Variants in RASGEF1A observed in about 807,000 individuals in gnomAD.
RASGEF1A encodes RasGEF domain family member 1A.
Under a neutral mutation model 56.4 loss-of-function variants are expected in RASGEF1A, and 18 were observed. That is an observed-to-expected ratio of 0.32 (90% confidence interval 0.22 to 0.47). The LOEUF is 0.47. Among genes scored for constraint, RASGEF1A ranks in the 20% least tolerant of loss-of-function variants. The pLI is 1.00. For synonymous variants in RASGEF1A, 245 were observed against 242.6 expected (o/e 1.01, Z -0.09); for missense variants, 422 against 627.1 (o/e 0.67, Z 3.49).
chr10:43,230,318 G>A (rs917231212), intron 1 of RASGEF1A, among the ~76,000 whole-genome samples: 2 of 152,170 alleles, frequency 1.3e-5, no homozygotes, highest in African/African-American at 2.4e-5. Flanking sequence ...CTGCTTTTGT[G>A]GGAGGGCTGA....
At chr10:43,256,545 C>A (rs942057963) in intron 1 of RASGEF1A, among the ~76,000 whole-genome samples, 42 of 152,266 alleles carry the variant, frequency 2.8e-4, no homozygotes, top group African/African-American at 9.9e-4. Flanking sequence ...AGAGTGGCCT[C>A]TCCAGGATCC....
chr10:43,237,999 G>A (rs1840453167), intron 1 of RASGEF1A, among the ~76,000 whole-genome samples: 1 of 149,534 alleles, frequency 6.7e-6, no homozygotes, highest in African/African-American at 2.4e-5. Flanking sequence ...AGGGGAGTGG[G>A]CCACACAGGC....
intron 1 of RASGEF1A, among the ~76,000 whole-genome samples, chr10:43,250,120 T>A (rs1242677528): frequency 6.6e-6 from 1 of 152,226 alleles, no homozygotes; most frequent in Admixed American, 6.5e-5. Flanking sequence ...GTGAATGCCA[T>A]GCACCTGAAG....
chr10:43,242,142 A>G (rs1840509328), intron 1 of RASGEF1A, among the ~76,000 whole-genome samples: 1 of 152,220 alleles, frequency 6.6e-6, no homozygotes, highest in African/African-American at 2.4e-5. Flanking sequence ...CATCTCAAAA[A>G]AATAAATAAA....
chr10:43,250,330 G>A (rs1023361396), intron 1 of RASGEF1A, among the ~76,000 whole-genome samples: 2 of 152,226 alleles, frequency 1.3e-5, no homozygotes, highest in African/African-American at 2.4e-5. Context: ...CAGCTATGAC[G>A]GTTTCCCTGT....
chr10:43,230,135 C>T (rs998783293), intron 1 of RASGEF1A, among the ~76,000 whole-genome samples: 2 of 152,214 alleles, frequency 1.3e-5, no homozygotes, highest in Non-Finnish European at 2.9e-5. Flanking sequence ...TACCCGGCCC[C>T]GGCCTCACCT....
intron 1 of RASGEF1A, among the ~76,000 whole-genome samples, chr10:43,246,716 TCAAA>T (rs1840570609): frequency 6.6e-6 from 1 of 152,150 alleles, no homozygotes; most frequent in African/African-American, 2.4e-5. Context: ...GCAGATAGCC[TCAAA>T]CAAAGGAACA....
chr10:43,216,729 G>A (rs747826429), intron 1 of RASGEF1A, among the ~76,000 whole-genome samples: 1 of 152,140 alleles, frequency 6.6e-6, no homozygotes, highest in Non-Finnish European at 1.5e-5. Context: ...TGCCCACTTG[G>A]CTTGAAGACT....
chr10:43,263,526 G>A (rs1479398526), intron 1 of RASGEF1A, among the ~76,000 whole-genome samples: 1 of 152,182 alleles, frequency 6.6e-6, no homozygotes, highest in Admixed American at 6.5e-5. Flanking sequence ...GGGCTGTTCT[G>A]TCTAGAGTCC....
chr10:43,222,849 G>T (rs987245146), intron 1 of RASGEF1A, among the ~76,000 whole-genome samples: 2 of 152,196 alleles, frequency 1.3e-5, no homozygotes, highest in Non-Finnish European at 2.9e-5. Flanking sequence ...AGCCTTGTGG[G>T]ACCAAGCTCT....
chr10:43,246,741 T>C (rs566123899), intron 1 of RASGEF1A, among the ~76,000 whole-genome samples: 1 of 152,334 alleles, frequency 6.6e-6, no homozygotes, highest in South Asian at 2.1e-4. Flanking sequence ...CATTTGGATT[T>C]GTACCTCGTA....
At position 43,212,326 on chromosome 10, in the gene RASGEF1A, T is replaced by A. The variant is rs551033292; in HGVS notation, c.-6-6204A>T. 7.9e-5 allele frequency among the ~76,000 whole-genome samples: 12 copies of A among 152,290 alleles called. No homozygotes were observed. The East Asian group carries it at 2.3e-3, about 29-fold the overall frequency. On this transcript the variant is annotated intron_variant, in intron 1 of 12. Coordinates refer to ENST00000395810, the MANE Select transcript of RASGEF1A (RefSeq NM_145313.4). ...CAGCCAACATTTCCGTGAGCTCTGA[T>A]CTCAGGTTTAAGATGGGCTCTGAGA...
At chr10:43,254,514 C>T (rs1367348876) in intron 1 of RASGEF1A, among the ~76,000 whole-genome samples, 1 of 152,222 alleles carries the variant, frequency 6.6e-6, no homozygotes. Context: ...CTCACGGCTG[C>T]ACCGCTAACC....
rs185918936 is a variant in RASGEF1A, at chr10:43,198,064, G to A, written c.1164C>T (p.Asp388=). The A allele has an allele frequency of 3.2e-5, 52 of 1,614,182 alleles. No individual in the cohort carries two copies. In the East Asian group the frequency reaches 9.1e-4, roughly 28 times the overall value. ...VIPVFNLFVK[D]IYFLHKIHTN... is the part of the protein sequence containing the mutation. Reference sequence around the variant, plus strand: ...TATGGATTTTGTGCAGGAAGTAGATGTCCTTAACGAAGAGGTTGAACACAG... The same window carrying A: ...TATGGATTTTGTGCAGGAAGTAGATATCCTTAACGAAGAGGTTGAACACAG... The change falls in exon 10 of 13, where the codon GAC becomes GAT. Residue 388 remains aspartate, a synonymous_variant. Transcript: ENST00000395810.
intron 1 of RASGEF1A, among the ~76,000 whole-genome samples, chr10:43,227,861 G>GC (rs1840302343): frequency 6.6e-6 from 1 of 152,050 alleles, no homozygotes; most frequent in South Asian, 2.1e-4. Flanking sequence ...AATGAAAACA[G>GC]CCTACCCACC....
chr10:43,226,213 G>A (rs1160509073), intron 1 of RASGEF1A, among the ~76,000 whole-genome samples: 6 of 152,188 alleles, frequency 3.9e-5, no homozygotes, highest in African/African-American at 7.2e-5. Flanking sequence ...AAGCCAAAGC[G>A]GGCAGATCAT....
chr10:43,255,686 G>T (rs777225338), intron 1 of RASGEF1A, among the ~76,000 whole-genome samples: 1 of 152,230 alleles, frequency 6.6e-6, no homozygotes, highest in Non-Finnish European at 1.5e-5. Flanking sequence ...ACACTGGTCA[G>T]GGCCAGAGTT....
At chr10:43,211,453 C>A (rs1002941588) in intron 1 of RASGEF1A, among the ~76,000 whole-genome samples, 2 of 152,186 alleles carry the variant, frequency 1.3e-5, no homozygotes, top group African/African-American at 4.8e-5. Context: ...AGGCCCCTTG[C>A]CACCTGCCTG....
chr10:43,230,712 T>TGGCC (rs1430331476), intron 1 of RASGEF1A, among the ~76,000 whole-genome samples: 1 of 152,172 alleles, frequency 6.6e-6, no homozygotes, highest in Non-Finnish European at 1.5e-5. Context: ...TGACAACATC[T>TGGCC]GGCCGCCCCA....
Sources: gnomAD v4.1 joint callset for allele counts (sites outside exome capture counted in the v4.1 genomes callset) on GRCh38, gnomAD v4.1.1 for gene constraint, MANE v1.5 for transcripts, NCBI Gene and HGNC (gene_info 2026-07-23, HGNC 2026-07-21) for gene names.